Variants in CD82 observed in about 807,000 individuals in gnomAD.
CD82 encodes the protein CD82 antigen.
CD82 carries 36 observed loss-of-function variants against 37.4 expected under a neutral mutation model. The ratio of observed to expected loss-of-function variants is 0.96; its 90% CI spans 0.74 to 1.27. CD82 has a LOEUF of 1.27. Among genes scored for constraint, CD82 ranks in the 50% most tolerant of loss-of-function variants. The pLI is 0.00. For missense variants in CD82, 340 were observed against 347.0 expected (o/e 0.98, Z 0.16); for synonymous variants, 158 against 137.4 (o/e 1.15, Z -1.05).
chr11:44,577,675 C>G (rs1225853649), intron 1 of CD82, among the ~76,000 whole-genome samples: 1 of 152,174 alleles, frequency 6.6e-6, no homozygotes, highest in Non-Finnish European at 1.5e-5. Context: ...AAGGAAGCTA[C>G]TTTCCTCGTT....
intron 1 of CD82, among the ~76,000 whole-genome samples, chr11:44,583,549 G>T (rs1317323596): frequency 6.6e-6 from 1 of 152,202 alleles, no homozygotes; most frequent in Non-Finnish European, 1.5e-5. Flanking sequence ...GCAGCAGGCG[G>T]CAGAGGTGTG....
At chr11:44,584,527 A>T (rs1452037527) in intron 1 of CD82, among the ~76,000 whole-genome samples, 1 of 152,098 alleles carries the variant, frequency 6.6e-6, no homozygotes, top group Non-Finnish European at 1.5e-5. Flanking sequence ...ACCTCAGGTG[A>T]TCTGCCCGCC....
At chr11:44,605,313 C>T (rs761902871) in intron 5 of CD82, 42 bp from the exon 6 acceptor site, 15 of 1,611,912 alleles carry the variant, frequency 9.3e-6, no homozygotes, top group South Asian at 7.7e-5. Flanking sequence ...TGCACCTGGT[C>T]GGGGACCCTC....
rs774382622 is a variant in CD82, at chr11:44,618,663, G to A, written c.666G>A (p.Ala222=). 2.0e-5 allele frequency: 32 copies of A among 1,612,686 alleles called. No homozygotes were observed. The highest frequency in any genetic ancestry group is 1.3e-4 in the South Asian group (12 of 91,084). The change falls in exon 9 of 10, where the codon GCG becomes GCA. Residue 222 remains alanine, a synonymous_variant. Coordinates refer to ENST00000227155, the MANE Select transcript of CD82 (RefSeq NM_002231.4). ...AGGGCTGCATGGAGAAGGTGCAGGCGTGGCTGCAGGAGAACCTGGGCATCA... is the reference window on the plus strand; with the variant it reads ...AGGGCTGCATGGAGAAGGTGCAGGCATGGCTGCAGGAGAACCTGGGCATCA... ...YQEGCMEKVQ[A]WLQENLGIIL...
intron 6 of CD82, among the ~76,000 whole-genome samples, chr11:44,609,075 C>T (rs1382415430): frequency 7.9e-5 from 12 of 152,214 alleles, no homozygotes; most frequent in African/African-American, 2.7e-4. Flanking sequence ...GCAAGGGCTG[C>T]GGGAATGGGG....
At chr11:44,566,670 C>G (rs1852739934) in intron 1 of CD82, among the ~76,000 whole-genome samples, 1 of 152,158 alleles carries the variant, frequency 6.6e-6, no homozygotes, top group Admixed American at 6.5e-5. Context: ...GGAGCAAGCA[C>G]TAAATAGAAT....
intron 1 of CD82, among the ~76,000 whole-genome samples, chr11:44,585,516 GC>G (rs1478696114): frequency 6.6e-6 from 1 of 152,184 alleles, no homozygotes; most frequent in Non-Finnish European, 1.5e-5. Flanking sequence ...CATAGATTGT[GC>G]CCTACTATGC....
chr11:44,615,185 C>A, intron 6 of CD82, 87 bp from the exon 7 acceptor site: 1 of 835,758 alleles, frequency 1.2e-6, no homozygotes, highest in South Asian at 1.5e-5. Flanking sequence ...CTGAGGGGAA[C>A]GGGGGGAGGC....
chr11:44,601,446 C>T (rs542333888), intron 4 of CD82, among the ~76,000 whole-genome samples: 2 of 152,314 alleles, frequency 1.3e-5, no homozygotes, highest in African/African-American at 4.8e-5. Context: ...CCCCCACATT[C>T]TCCTGGCCTG....
At chr11:44,585,914 G>C (rs1590333177) in intron 1 of CD82, among the ~76,000 whole-genome samples, 1 of 152,352 alleles carries the variant, frequency 6.6e-6, no homozygotes, top group East Asian at 1.9e-4. Context: ...TAACAGACTG[G>C]AGTAGAGGGA....
chr11:44,575,909 G>A (rs1389082977), intron 1 of CD82, among the ~76,000 whole-genome samples: 2 of 152,154 alleles, frequency 1.3e-5, no homozygotes, highest in Non-Finnish European at 1.5e-5. Context: ...AAAGTAGGAG[G>A]GCTAGTACTG....
intron 1 of CD82, among the ~76,000 whole-genome samples, chr11:44,582,134 C>G (rs572546308): frequency 7.2e-5 from 11 of 152,296 alleles, no homozygotes; most frequent in African/African-American, 1.9e-4. Flanking sequence ...CACTGTCCCC[C>G]CTGTGTGACC....
At chr11:44,592,293 C>A (rs548434087) in intron 2 of CD82, among the ~76,000 whole-genome samples, 32 of 152,360 alleles carry the variant, frequency 2.1e-4, no homozygotes, top group African/African-American at 7.2e-4. Flanking sequence ...TGCAATTTCA[C>A]AAGGATGCCA....
Position 44,605,092 on chromosome 11 carries a change from T to C in CD82, c.171T>C (p.Tyr57=), listed in dbSNP as rs143270517. The C allele has an allele frequency of 7.2e-5, 117 of 1,614,218 alleles. No individual in the cohort carries two copies. In the African/African-American group the frequency reaches 1.2e-3, roughly 17 times the overall value. The change falls in exon 5 of 10, where the codon TAT becomes TAC. Residue 57 remains tyrosine, a synonymous_variant. Transcript: ENST00000227155. ...CCAGCTCGCTTAGGATGGGGGCCTATGTCTTCATCGGCGTGGGGGCAGTCA... is the reference window on the plus strand; with the variant it reads ...CCAGCTCGCTTAGGATGGGGGCCTACGTCTTCATCGGCGTGGGGGCAGTCA... ...TSSSSLRMGA[Y]VFIGVGAVTM...
At chr11:44,588,302 C>T (rs1339207251) in intron 2 of CD82, among the ~76,000 whole-genome samples, 2 of 151,586 alleles carry the variant, frequency 1.3e-5, no homozygotes, top group Non-Finnish European at 2.9e-5. Flanking sequence ...TGGCTCACTG[C>T]CACCTCCACC....
chr11:44,603,561 C>G, intron 4 of CD82, among the ~76,000 whole-genome samples: 1 of 152,156 alleles, frequency 6.6e-6, no homozygotes. Context: ...CGGGTTGTAA[C>G]GGACTCAAGC....
At chr11:44,595,226 A>G (rs1485355440) in intron 3 of CD82, among the ~76,000 whole-genome samples, 1 of 151,418 alleles carries the variant, frequency 6.6e-6, no homozygotes, top group Non-Finnish European at 1.5e-5. Flanking sequence ...GCGTGGGGCC[A>G]GTGAAGGGCA....
chr11:44,580,555 A>G (rs893982930), intron 1 of CD82, among the ~76,000 whole-genome samples: 1 of 152,196 alleles, frequency 6.6e-6, no homozygotes, highest in Non-Finnish European at 1.5e-5. Flanking sequence ...TCTATTAAAA[A>G]TACAAAAATT....
intron 6 of CD82, among the ~76,000 whole-genome samples, chr11:44,612,844 A>G (rs373880577): frequency 6.6e-6 from 1 of 151,732 alleles, no homozygotes; most frequent in Admixed American, 6.6e-5. Flanking sequence ...TCACCATGTT[A>G]GCCAGGATGG....
Sources: gnomAD v4.1 joint callset for allele counts (sites outside exome capture counted in the v4.1 genomes callset) on GRCh38, gnomAD v4.1.1 for gene constraint, MANE v1.5 for transcripts, NCBI Gene and HGNC (gene_info 2026-07-23, HGNC 2026-07-21) for gene names.